The following CCDC171 variants were observed in gnomAD, a reference collection of about 807,000 sequenced individuals.
CCDC171 encodes coiled-coil domain-containing protein 171.
A neutral mutation model predicts 168.2 loss-of-function variants in CCDC171; 177 were observed. The observed-to-expected ratio is 1.05, with a 90% CI of 0.93 to 1.19. CCDC171 has a LOEUF of 1.19. CCDC171 is among the 50% of genes most tolerant of loss of function. The probability of loss-of-function intolerance (pLI) is 0.00; values close to 1 mark genes in which losing one functional copy is unlikely to be tolerated. For missense variants in CCDC171, 1,991 were observed against 1,539.0 expected (o/e 1.29, Z -4.91); for synonymous variants, 687 against 540.8 (o/e 1.27, Z -3.75).
intron 10 of CCDC171, among the ~76,000 whole-genome samples, chr9:15,686,350 A>C (rs1307272103): frequency 6.6e-6 from 1 of 151,974 alleles, no homozygotes; most frequent in Non-Finnish European, 1.5e-5. Flanking sequence ...CCATTTGCTC[A>C]TGTGTAAAAT....
chr9:15,954,588 C>G (rs1360777598), intron 25 of CCDC171, among the ~76,000 whole-genome samples: 1 of 151,834 alleles, frequency 6.6e-6, no homozygotes, highest in Non-Finnish European at 1.5e-5. Flanking sequence ...GTCCCTTAGA[C>G]TCTGTTCACT....
intron 25 of CCDC171, among the ~76,000 whole-genome samples, chr9:15,949,097 T>C (rs1000640681): frequency 3.3e-5 from 5 of 152,120 alleles, no homozygotes; most frequent in Admixed American, 1.3e-4. Context: ...CCCCATTGCT[T>C]GTTTTTCTCA....
At chr9:15,635,481 G>C (rs1564103650) in intron 7 of CCDC171, among the ~76,000 whole-genome samples, 1 of 152,126 alleles carries the variant, frequency 6.6e-6, no homozygotes, top group African/African-American at 2.4e-5. Context: ...GAAAGATGAA[G>C]GCTGGAACAC....
chr9:15,669,521 A>G (rs1235723181), intron 9 of CCDC171, among the ~76,000 whole-genome samples: 1 of 152,116 alleles, frequency 6.6e-6, no homozygotes, highest in Non-Finnish European at 1.5e-5. Flanking sequence ...GTGATAGATT[A>G]TTGTTAACTA....
At chr9:15,687,290 A>G (rs933874895) in intron 10 of CCDC171, among the ~76,000 whole-genome samples, 1 of 152,160 alleles carries the variant, frequency 6.6e-6, no homozygotes, top group African/African-American at 2.4e-5. Flanking sequence ...AACCATAGTC[A>G]TCTATATTCA....
At chr9:15,649,838 T>C (rs1165186546) in intron 7 of CCDC171, among the ~76,000 whole-genome samples, 1 of 152,248 alleles carries the variant, frequency 6.6e-6, no homozygotes, top group East Asian at 1.9e-4. Flanking sequence ...GAAGACAGTG[T>C]GGCAATTCCT....
intron 1 of CCDC171, among the ~76,000 whole-genome samples, chr9:16,057,781 A>G (rs1244662036): frequency 6.6e-6 from 1 of 152,180 alleles, no homozygotes. Context: ...TAAAGGTGCC[A>G]AGCTCCCCCC....
Position 15,579,017 on chromosome 9 carries a change from C to G in CCDC171, c.346C>G (p.Leu116Val). Residue 116 changes from leucine (L) to valine (V), a missense_variant, in exon 4 of 26, where the codon CTC becomes GTC. By Grantham distance (32) the Leu-to-Val change is conservative. Coordinates refer to ENST00000380701, the MANE Select transcript of CCDC171 (RefSeq NM_173550.4). ...LAEAHRIQEK[L>V]CAQNSELQAK... ...CGAGGCACATAGGATCCAAGAAAAA[C>G]TCTGTGGTAAGACTGTTTCTATTTC... 1 of 1,613,186 alleles carries G rather than the reference C, an allele frequency of 6.2e-7. No homozygotes were observed. The highest frequency in any genetic ancestry group is 2.2e-5 in the East Asian group (1 of 44,844).
At chr9:15,744,158 C>A in intron 16 of CCDC171, 115 bp from the exon 17 acceptor site, 1 of 818,384 alleles carries the variant, frequency 1.2e-6, no homozygotes, top group Non-Finnish European at 1.9e-6. Context: ...GCACATGTAT[C>A]TTTTAAAGAG....
intron 7 of CCDC171, among the ~76,000 whole-genome samples, chr9:15,626,752 C>A (rs1311188431): frequency 6.6e-6 from 1 of 152,200 alleles, no homozygotes; most frequent in Non-Finnish European, 1.5e-5. Context: ...CAATGTTCAT[C>A]AGGGATATTG....
intron 18 of CCDC171, among the ~76,000 whole-genome samples, chr9:15,770,073 T>C (rs1439537936): frequency 2.0e-5 from 3 of 152,210 alleles, no homozygotes; most frequent in African/African-American, 7.2e-5. Context: ...TCTGGTATTT[T>C]TTGTGAGAAG....
At chr9:15,782,719 A>G (rs2057730659) in intron 20 of CCDC171, among the ~76,000 whole-genome samples, 1 of 152,214 alleles carries the variant, frequency 6.6e-6, no homozygotes, top group South Asian at 2.1e-4. Flanking sequence ...GGATGTTAAT[A>G]AATAGAAATA....
chr9:15,572,332 A>G (rs1399448192), intron 3 of CCDC171, among the ~76,000 whole-genome samples: 1 of 151,654 alleles, frequency 6.6e-6, no homozygotes, highest in Non-Finnish European at 1.5e-5. Flanking sequence ...TTTTTCTCTG[A>G]TAAGTCTTAT....
downstream of CCDC171, among the ~76,000 whole-genome samples, chr9:16,063,153 G>C (rs1374956426): frequency 6.6e-6 from 1 of 152,200 alleles, no homozygotes; most frequent in African/African-American, 2.4e-5. Context: ...AAGGGGACCA[G>C]TGATAGCAGG....
intron 18 of CCDC171, among the ~76,000 whole-genome samples, chr9:15,771,570 CT>C (rs1455280039): frequency 8.0e-6 from 1 of 124,618 alleles, no homozygotes; most frequent in East Asian, 3.4e-4. Flanking sequence ...TATATTAACA[CT>C]TTATCATAGT....
intron 21 of CCDC171, among the ~76,000 whole-genome samples, chr9:15,797,728 C>G (rs769375076): frequency 5.3e-5 from 8 of 151,760 alleles, no homozygotes; most frequent in Non-Finnish European, 2.9e-5. Context: ...GTAGTTGATC[C>G]TTTTTATATT....
intron 24 of CCDC171, among the ~76,000 whole-genome samples, chr9:15,880,122 T>TAAAGAGGA (rs1188131439): frequency 2.0e-5 from 3 of 152,186 alleles, no homozygotes; most frequent in African/African-American, 7.2e-5. Context: ...CTTGGTGAAG[T>TAAAGAGGA]AAAGAGGATA....
intron 24 of CCDC171, among the ~76,000 whole-genome samples, chr9:15,914,566 A>G (rs1339923008): frequency 6.6e-6 from 1 of 152,130 alleles, no homozygotes; most frequent in East Asian, 1.9e-4. Flanking sequence ...AAGCCAGTGG[A>G]TCTTAGCTTG....
intron 18 of CCDC171, among the ~76,000 whole-genome samples, chr9:15,757,937 G>A (rs989522486): frequency 1.3e-5 from 2 of 152,200 alleles, no homozygotes; most frequent in African/African-American, 4.8e-5. Flanking sequence ...TTCAGAAGAT[G>A]TATGGAAATG....
Sources: allele counts gnomAD v4.1 joint callset (sites outside exome capture counted in the v4.1 genomes callset), GRCh38; gene constraint gnomAD v4.1.1; transcripts MANE v1.5; gene names NCBI Gene and HGNC (gene_info 2026-07-23, HGNC 2026-07-21).